The following PRMT2 variants were observed in gnomAD, a reference collection of about 807,000 sequenced individuals.
The protein encoded by PRMT2 is protein arginine methyltransferase 2, also known as protein arginine N-methyltransferase 2.
In PRMT2, 26 loss-of-function variants were observed where a neutral mutation model predicts 57.6. The ratio of observed to expected loss-of-function variants is 0.45; its 90% CI spans 0.33 to 0.63. The LOEUF (loss-of-function observed/expected upper bound fraction) is 0.63. Among genes scored for constraint, PRMT2 ranks in the 20% least tolerant of loss-of-function variants. The pLI is 0.02. For synonymous variants in PRMT2, 219 were observed against 220.0 expected (o/e 1.00, Z 0.04); for missense variants, 472 against 564.4 (o/e 0.84, Z 1.66).
At position 46,659,052 on chromosome 21, in the gene PRMT2, C is replaced by G. The variant is rs972130600; in HGVS notation, c.830+132C>G. The G allele has an allele frequency of 1.2e-5, 18 of 1,446,190 alleles. 1 individual carries two copies. The South Asian group carries it at 2.7e-4, about 21-fold the overall frequency. The allele number at this position is 1,446,190 out of a possible 1,614,324, so 89.6% of individuals were successfully genotyped here. A position where few individuals can be genotyped will look rare whatever the true frequency, so the allele number is the denominator to read the frequency against. ...AGGGTACCTGTGCACCCAGATAGGA[C>G]AATCTGTTGTAGCATTGGAGTAATT... On this transcript the variant is annotated intron_variant, in intron 8 of 11. Transcript: ENST00000355680.
At position 46,663,460 on chromosome 21, in the gene PRMT2, C is replaced by G. The variant is rs1027237853; in HGVS notation, c.1175C>G (p.Ser392Ter). Reference sequence around the variant, plus strand: ...CATACAGGAGACGTGGTCACGGGTTCAGTTGTGTTGCAGAGAAACCCAGTG... The same window carrying G: ...CATACAGGAGACGTGGTCACGGGTTGAGTTGTGTTGCAGAGAAACCCAGTG... The part of the protein sequence containing the change: ...PVHTGDVVTG[S>*]VVLQRNPVWR... Residue 392 changes from serine to a stop codon, truncating the protein, a stop_gained, in exon 11 of 12, where the codon TCA becomes TGA. Transcript: ENST00000355680. LOFTEE classifies it high-confidence loss of function. 5.0e-6 allele frequency: 8 copies of G among 1,614,206 alleles called. No individual in the cohort carries two copies. The highest frequency in any genetic ancestry group is 6.8e-6 in the Non-Finnish European group (8 of 1,180,026).
intron 11 of PRMT2, among the ~76,000 whole-genome samples, chr21:46,663,815 C>A (rs2061665815): frequency 6.6e-6 from 1 of 152,180 alleles, no homozygotes; most frequent in African/African-American, 2.4e-5. Flanking sequence ...AGAGCAGAGA[C>A]CCACATCAGC....
At chr21:46,659,485 A>G in intron 8 of PRMT2, 1 of 983,252 alleles carries the variant, frequency 1.0e-6, no homozygotes, top group Non-Finnish European at 1.2e-6. Context: ...GACTAGCCAG[A>G]TGGAATTGCA....
rs2061583345 is a variant in PRMT2 at position 46,659,123 on chromosome 21, G to C, written c.830+203G>C. ...CAAGACAGATGGGCAGAGCAGGGTAGAATGCAAGGAACAAAAATTTTCGTA... is the reference window on the plus strand; with the variant it reads ...CAAGACAGATGGGCAGAGCAGGGTACAATGCAAGGAACAAAAATTTTCGTA... On this transcript the variant is annotated intron_variant, in intron 8 of 11. Coordinates refer to ENST00000355680, the MANE Select transcript of PRMT2 (RefSeq NM_206962.4). 2.3e-6 allele frequency: 3 copies of C among 1,295,870 alleles called. No individual in the cohort carries two copies. The Admixed American group carries it at 1.1e-4, about 49-fold the overall frequency. The allele number at this position is 1,295,870 out of a possible 1,614,324, so 80.3% of individuals were successfully genotyped here. A position where few individuals can be genotyped will look rare whatever the true frequency, so the allele number is the denominator to read the frequency against.
chr21:46,654,058 G>A (rs550675596), intron 7 of PRMT2: 2 of 988,662 alleles, frequency 2.0e-6, no homozygotes, highest in Non-Finnish European at 2.4e-6. Flanking sequence ...GAAGGAGGAG[G>A]AGCTGGTGGG....
At position 46,648,458 on chromosome 21, in the gene PRMT2, A is replaced by G; in HGVS notation, c.328A>G (p.Lys110Glu). The change falls in exon 6 of 12, where the codon AAA becomes GAA. Residue 110 changes from lysine (K) to glutamate (E), a missense_variant and splice_region_variant. This residue lies in a region of PRMT2 where 243 missense variants were observed against 347.2 expected (regional missense o/e 0.70). Coordinates refer to ENST00000355680, the MANE Select transcript of PRMT2 (RefSeq NM_206962.4). This position sits in a 1 kb window ranked among gnomAD's most constrained non-coding sequence, Gnocchi z 4.8. ...EEYFGSYGTL[K>E]LHLEMLADQP... ...GATTCTGAATGTGCATTTCTTCCAG[A>G]AACTCCACTTGGAGATGTTGGCAGA... 6.2e-7 allele frequency: 1 copy of G among 1,613,992 alleles called. No individual in the cohort carries two copies.
At chr21:46,661,639 C>CA in intron 9 of PRMT2, 161 bp from the exon 10 acceptor site, 1 of 610,682 alleles carries the variant, frequency 1.6e-6, no homozygotes, top group Non-Finnish European at 2.4e-6. Flanking sequence ...CCTCTGAACT[C>CA]ACGATGCGGG....
intron 9 of PRMT2, 159 bp from the exon 10 acceptor site, chr21:46,661,641 C>A (rs1350014544): frequency 8.0e-6 from 5 of 622,208 alleles, no homozygotes; most frequent in South Asian, 7.7e-5. Flanking sequence ...TCTGAACTCA[C>A]GATGCGGGTT....
chr21:46,649,390 G>T lies in PRMT2; in HGVS notation c.490-185G>T. 1.2e-6 allele frequency: 1 copy of T among 851,754 alleles called. No individual in the cohort carries two copies. The highest frequency in any genetic ancestry group is 2.6e-5 in the East Asian group (1 of 38,332). 52.8% of individuals were successfully genotyped at this position (851,754 alleles called of 1,614,324 possible). ...GTGGGGGCAGTTGGGAGGGTTAGAG[G>T]CGGCTCCTTTCTGGGTGCCCCTGGA... On this transcript the variant is annotated intron_variant, in intron 6 of 11. Coordinates refer to ENST00000355680, the MANE Select transcript of PRMT2 (RefSeq NM_206962.4). This position sits in a 1 kb window ranked among gnomAD's most constrained non-coding sequence, Gnocchi z 4.8.
Position 46,643,599 on chromosome 21 carries a change from T to G in PRMT2, c.104T>G (p.Phe35Cys). The change falls in exon 4 of 12, where the codon TTT becomes TGT. Residue 35 changes from phenylalanine (F) to cysteine (C), a missense_variant. Phe to Cys is a radical substitution (Grantham distance 205, BLOSUM62 -2). Around this residue, in one of 2 missense-constraint regions of PRMT2, gnomAD observed 243 missense variants for 347.2 expected, o/e 0.70. Transcript: ENST00000355680. Reference protein sequence around the residue: ...LLQEGVQPEEFVAIADYAATD... With the variant: ...LLQEGVQPEECVAIADYAATD... The stretch of plus-strand genomic sequence containing the variant: ...CAGGAGGGAGTACAGCCAGAGGAGT[T>G]TGTGGCCATCGCGGACTACGCTGCC... 1.2e-6 allele frequency: 2 copies of G among 1,611,306 alleles called. No homozygotes were observed. Among genetic ancestry groups the G allele is most frequent in the Non-Finnish European group, 1.7e-6 (2 of 1,179,262 alleles).
rs975616453 is a variant in PRMT2, at chr21:46,650,746, C to T, written c.654+1007C>T. The stretch of plus-strand genomic sequence containing the variant: ...GGCCAAGGTTGTGTGGGCGGTGATA[C>T]GGGGAAGCCTGGCTGCTGGAGTGTC... On this transcript the variant is annotated intron_variant, in intron 7 of 11. Coordinates refer to ENST00000355680, the MANE Select transcript of PRMT2 (RefSeq NM_206962.4). Among the ~76,000 whole-genome samples the T allele has an allele frequency of 3.9e-5, 6 of 152,114 alleles. No homozygotes were observed. The East Asian group carries it at 5.8e-4, about 15-fold the overall frequency.
chr21:46,654,813 T>G (rs1389835583), intron 7 of PRMT2: 1 of 803,556 alleles, frequency 1.2e-6, no homozygotes. Flanking sequence ...ATCCAAGGAT[T>G]TGAATATCCA....
At chr21:46,660,698 T>C in intron 8 of PRMT2, 135 bp from the exon 9 acceptor site, 1 of 1,155,512 alleles carries the variant, frequency 8.7e-7, no homozygotes, top group South Asian at 1.5e-5. Context: ...TGCTCTGGGG[T>C]TCCAGGGCCC....
At chr21:46,643,273 G>C (rs755405111) in intron 3 of PRMT2, 217 of 413,390 alleles carry the variant, frequency 5.2e-4, no homozygotes, top group South Asian at 7.3e-4. Flanking sequence ...TCACCAAATA[G>C]ACACTAGTGG....
At chr21:46,641,903 C>T (rs2061283275) in intron 3 of PRMT2, among the ~76,000 whole-genome samples, 1 of 151,792 alleles carries the variant, frequency 6.6e-6, no homozygotes, top group Admixed American at 6.6e-5. Context: ...GAGTCATGCT[C>T]CTGGCATAGG....
intron 3 of PRMT2, among the ~76,000 whole-genome samples, chr21:46,639,259 C>G (rs964872974): frequency 9.9e-5 from 15 of 152,066 alleles, no homozygotes; most frequent in African/African-American, 2.9e-4. Flanking sequence ...GCTTTATGTT[C>G]TAATCATATG....
chr21:46,642,400 A>G (rs958080475), intron 3 of PRMT2, among the ~76,000 whole-genome samples: 1 of 152,208 alleles, frequency 6.6e-6, no homozygotes, highest in Admixed American at 6.5e-5. Flanking sequence ...TTATAAAGTG[A>G]AAACCATAGG....
At chr21:46,661,078 T>C in intron 9 of PRMT2, 116 bp downstream of exon 9, 1 of 1,002,394 alleles carries the variant, frequency 1.0e-6, no homozygotes, top group South Asian at 2.1e-5. Context: ...AGTGAATAAC[T>C]AATTATTTTA....
rs757638082 is a variant in PRMT2, at chr21:46,661,656, G to A, written c.961-144G>A. 3.5e-4 allele frequency: 274 copies of A among 773,294 alleles called. 1 individual carries two copies. Among genetic ancestry groups the A allele is most frequent in the Non-Finnish European group, 4.6e-4 (260 of 569,372 alleles). 47.9% of individuals were successfully genotyped at this position (773,294 alleles called of 1,614,324 possible). Reference sequence around the variant, plus strand: ...TCTGAACTCACGATGCGGGTTTTGGGGGTGGTTTCCCCAGGCTGGGGGGCT... The same window carrying A: ...TCTGAACTCACGATGCGGGTTTTGGAGGTGGTTTCCCCAGGCTGGGGGGCT... On this transcript the variant is annotated intron_variant, in intron 9 of 11. Transcript: ENST00000355680.
Sources: allele counts gnomAD v4.1 joint callset (sites outside exome capture counted in the v4.1 genomes callset), GRCh38; gene constraint gnomAD v4.1.1; regional missense constraint gnomAD v4.1.1; non-coding constraint Gnocchi (gnomAD v3.1); transcripts MANE v1.5; gene names NCBI Gene and HGNC (gene_info 2026-07-23, HGNC 2026-07-21).